The following YBX1 variants were observed in gnomAD, a reference collection of about 807,000 sequenced individuals.
The protein encoded by YBX1 is Y-box binding protein 1.
A neutral mutation model predicts 41.4 loss-of-function variants in YBX1; 3 were observed. The observed-to-expected ratio is 0.07, with a 90% CI of 0.03 to 0.19. YBX1 has a LOEUF of 0.19. Among genes scored for constraint, YBX1 ranks in the 10% least tolerant of loss-of-function variants. The pLI, the probability that YBX1 is intolerant of heterozygous loss-of-function variation, is 1.00. For missense variants in YBX1, 274 were observed against 462.8 expected, an observed-to-expected ratio of 0.59 and a Z score of 3.74; for synonymous variants, 133 against 165.8, an observed-to-expected ratio of 0.80 and a Z score of 1.52.
chr1:42,693,951 A>C (rs1650399983), intron 3 of YBX1, among the ~76,000 whole-genome samples: 1 of 152,194 alleles, frequency 6.6e-6, no homozygotes, highest in South Asian at 2.1e-4. Flanking sequence ...GACCTGCAAA[A>C]CATAGTAATT....
chr1:42,689,612 G>T (rs1349349849), intron 2 of YBX1, among the ~76,000 whole-genome samples: 12 of 152,142 alleles, frequency 7.9e-5, no homozygotes, highest in Admixed American at 7.9e-4. Flanking sequence ...GGAGTGGGAG[G>T]GGGGTCAAAC....
intron 2 of YBX1, among the ~76,000 whole-genome samples, chr1:42,687,065 C>G (rs190217437): frequency 6.6e-6 from 1 of 152,094 alleles, no homozygotes; most frequent in East Asian, 1.9e-4. Flanking sequence ...CTTGCTAGGT[C>G]CTGGATTTGA....
At position 42,696,895 on chromosome 1, in the gene YBX1, G is replaced by A; in HGVS notation, c.608G>A (p.Gly203Glu). 6.3e-7 allele frequency: 1 copy of A among 1,577,610 alleles called. No homozygotes were observed. The highest frequency in any genetic ancestry group is 8.6e-7 in the Non-Finnish European group (1 of 1,160,690). Residue 203 changes from glycine (G) to glutamate (E), a missense_variant, in exon 5 of 8, where the codon GGG (glycine) becomes GAG (glutamate). Gly to Glu is a moderately conservative substitution (Grantham distance 98). Coordinates refer to ENST00000321358, the MANE Select transcript of YBX1 (RefSeq NM_004559.5). The surrounding 1 kb of genome is among the most constrained non-coding windows in gnomAD (Gnocchi z 5.7). ...FPPYYMRRPY[G>E]RRPQYSNPPV... ...CCTTACTACATGCGGAGACCCTATG[G>A]GCGTCGACCACAGTATTCCAACCCT...
At chr1:42,688,575 A>G (rs1226104580) in intron 2 of YBX1, among the ~76,000 whole-genome samples, 2 of 152,226 alleles carry the variant, frequency 1.3e-5, no homozygotes, top group Non-Finnish European at 2.9e-5. Context: ...TGTGACGCTA[A>G]TCATCTTCAC....
chr1:42,693,635 T>C, intron 3 of YBX1, 112 bp downstream of exon 3: 1 of 1,116,088 alleles, frequency 9.0e-7, no homozygotes, highest in Non-Finnish European at 1.3e-6. Context: ...ACCACCAGTT[T>C]ATTTACTTAC....
At chr1:42,683,586 C>T in intron 2 of YBX1, 120 bp downstream of exon 2, 2 of 1,053,726 alleles carry the variant, frequency 1.9e-6, no homozygotes, top group South Asian at 1.4e-5. Flanking sequence ...TTTACTACCT[C>T]TGGTGTATTA....
chr1:42,702,514 C>T lies in YBX1; in HGVS notation c.*565C>T, dbSNP rs1650629792. Among the ~76,000 whole-genome samples, 1 of 152,120 alleles carries T rather than the reference C, an allele frequency of 6.6e-6. No homozygotes were observed. Among genetic ancestry groups the T allele is most frequent in the East Asian group, 1.9e-4 (1 of 5,194 alleles). On this transcript the variant is annotated 3_prime_UTR_variant, in exon 8 of 8. Coordinates refer to ENST00000321358, the MANE Select transcript of YBX1 (RefSeq NM_004559.5). ...CCTTTAAGTGGCATGCCTGTGGGCC[C>T]ATACTAAAAATTAGAAAATACATAC...
At chr1:42,698,335 G>C (rs1285025795) in intron 6 of YBX1, among the ~76,000 whole-genome samples, 1 of 152,192 alleles carries the variant, frequency 6.6e-6, no homozygotes, top group Non-Finnish European at 1.5e-5. Flanking sequence ...TGAGTTTTCA[G>C]TTAAAAGAGC....
At position 42,703,295 on chromosome 1, in the gene YBX1, A is replaced by T. The variant is rs922840800; in HGVS notation, c.*1346A>T. ...GCTTTGTGAAATAGTCATGTAGTTG[A>T]TAGTGACTGCTGCCCCGAAACACTC... On this transcript the variant is annotated 3_prime_UTR_variant, in exon 8 of 8. Transcript: ENST00000321358. Among the ~76,000 whole-genome samples, 1 of 151,984 alleles carries T rather than the reference A, an allele frequency of 6.6e-6. No homozygotes were observed. The highest frequency in any genetic ancestry group is 1.5e-5 in the Non-Finnish European group (1 of 68,014).
intron 2 of YBX1, among the ~76,000 whole-genome samples, chr1:42,690,815 G>A (rs1282676831): frequency 6.6e-6 from 1 of 152,122 alleles, no homozygotes; most frequent in Non-Finnish European, 1.5e-5. Flanking sequence ...CTTTACTACT[G>A]TATAATTTTT....
chr1:42,691,753 C>A (rs1650339190), intron 2 of YBX1, among the ~76,000 whole-genome samples: 1 of 152,166 alleles, frequency 6.6e-6, no homozygotes, highest in Admixed American at 6.5e-5. Context: ...ACTCAGATAA[C>A]AATAAACAAA....
intron 3 of YBX1, among the ~76,000 whole-genome samples, chr1:42,695,375 C>T (rs1332599391): frequency 2.0e-5 from 3 of 152,220 alleles, no homozygotes; most frequent in African/African-American, 7.2e-5. Context: ...AGTCTCCTTA[C>T]TAACTGTGTG....
At chr1:42,694,634 G>A (rs1253001139) in intron 3 of YBX1, among the ~76,000 whole-genome samples, 1 of 152,126 alleles carries the variant, frequency 6.6e-6, no homozygotes, top group East Asian at 1.9e-4. Context: ...TTGATGACAA[G>A]GAGGAAGCTA....
In YBX1 at chr1:42,693,498, C is replaced by G; in HGVS notation, c.239C>G (p.Thr80Ser). Residue 80 changes from threonine (T) to serine (S), a missense_variant, in exon 3 of 8, where the codon ACC becomes AGC. Around this residue, in one of 3 missense-constraint regions of YBX1, gnomAD observed 84 missense variants for 130.8 expected, o/e 0.64. Coordinates refer to ENST00000321358, the MANE Select transcript of YBX1 (RefSeq NM_004559.5). Reference sequence around the variant, plus strand: ...TTGGTTCTGTCTTGCAGGAATGACACCAAGGAAGATGTATTTGTACACCAG... The same window carrying G: ...TTGGTTCTGTCTTGCAGGAATGACAGCAAGGAAGATGTATTTGTACACCAG... ...NGYGFINRNDTKEDVFVHQTA... is the reference protein window; with the variant it reads ...NGYGFINRNDSKEDVFVHQTA... The G allele has an allele frequency of 2.5e-6, 4 of 1,613,412 alleles. No homozygotes were observed. The highest frequency in any genetic ancestry group is 3.4e-6 in the Non-Finnish European group (4 of 1,179,688).
chr1:42,690,202 C>T (rs1334398483), intron 2 of YBX1, among the ~76,000 whole-genome samples: 1 of 150,614 alleles, frequency 6.6e-6, no homozygotes, highest in Non-Finnish European at 1.5e-5. Flanking sequence ...CAAAGTGAGA[C>T]TCCATCTCAA....
intron 2 of YBX1, among the ~76,000 whole-genome samples, chr1:42,684,479 A>G (rs1650142494): frequency 6.6e-6 from 1 of 152,242 alleles, no homozygotes; most frequent in Admixed American, 6.5e-5. Flanking sequence ...TAAAAGAACA[A>G]TGTGGAATGG....
chr1:42,699,209 C>T (rs537559211), intron 6 of YBX1, among the ~76,000 whole-genome samples: 1 of 152,130 alleles, frequency 6.6e-6, no homozygotes, highest in African/African-American at 2.4e-5. Flanking sequence ...AGGAACCTGC[C>T]GTTTTCCTGT....
At chr1:42,695,523 A>C (rs1156256023) in intron 3 of YBX1, among the ~76,000 whole-genome samples, 1 of 152,250 alleles carries the variant, frequency 6.6e-6, no homozygotes, top group Non-Finnish European at 1.5e-5. Context: ...ATTTCATAGA[A>C]ACGTGAGATG....
At position 42,696,857 on chromosome 1, in the gene YBX1, G is replaced by C. The variant is rs768942077; in HGVS notation, c.570G>C (p.Arg190Ser). The part of the protein sequence containing the change: ...GQAQQRRPYR[R>S]RRFPPYYMRR... ...CCCAACAACGCCGGCCCTACCGCAG[G>C]CGAAGGTTCCCACCTTACTACATGC... The change falls in exon 5 of 8, where the codon AGG (arginine) becomes AGC (serine). Residue 190 changes from arginine to serine, a missense_variant. Physicochemically the swap from Arg to Ser is moderately radical, Grantham distance 110. Around this residue, in one of 3 missense-constraint regions of YBX1, gnomAD observed 187 missense variants for 306.3 expected, o/e 0.61. Transcript: ENST00000321358. This position sits in a 1 kb window ranked among gnomAD's most constrained non-coding sequence, Gnocchi z 5.7. 2 of 1,609,412 alleles carry C rather than the reference G, an allele frequency of 1.2e-6. No individual in the cohort carries two copies.
Sources: gnomAD v4.1 joint callset for allele counts (sites outside exome capture counted in the v4.1 genomes callset) on GRCh38, gnomAD v4.1.1 for gene constraint, gnomAD v4.1.1 regional missense constraint, Gnocchi (gnomAD v3.1) non-coding constraint, MANE v1.5 for transcripts, NCBI Gene and HGNC (gene_info 2026-07-23, HGNC 2026-07-21) for gene names.